Variants in ACAN observed in about 807,000 individuals in gnomAD.
The protein encoded by ACAN is aggrecan core protein.
In ACAN, 47 loss-of-function variants were observed where a neutral mutation model predicts 169.1. The ratio of observed to expected loss-of-function variants is 0.28; its 90% confidence interval spans 0.22 to 0.35. ACAN has a LOEUF of 0.35. Among genes scored for constraint, ACAN ranks in the 10% least tolerant of loss-of-function variants. The pLI, the probability that ACAN is intolerant of heterozygous loss-of-function variation, is 1.00. For missense variants in ACAN, 2,716 were observed against 2,759.9 expected (o/e 0.98, Z 0.36); for synonymous variants, 1,115 against 1,112.2 (o/e 1.00, Z -0.05).
rs919696595 is a variant in ACAN at position 88,845,419 on chromosome 15, G to C, written c.1052-86G>C. 8.0e-6 allele frequency: 12 copies of C among 1,505,362 alleles called. No homozygotes were observed. In the African/African-American group the frequency reaches 1.5e-4, roughly 19 times the overall value. The allele number at this position is 1,505,362 out of a possible 1,614,324, so 93.3% of individuals were successfully genotyped here. On this transcript the variant is annotated intron_variant, in intron 6 of 18. Coordinates refer to ENST00000560601, the MANE Select transcript of ACAN (RefSeq NM_001369268.1). ...CTGCCCCAGCAGGGAAGGAGGGGGA[G>C]CCATGCTCATCTCCAGCCCACTCCT...
At chr15:88,854,698 A>G (rs186951347) in intron 11 of ACAN, among the ~76,000 whole-genome samples, 154 bp from the exon 12 acceptor site, 1 of 152,216 alleles carries the variant, frequency 6.6e-6, no homozygotes, top group East Asian at 1.9e-4. Flanking sequence ...AAGACACTTT[A>G]CACAGTTCCA....
rs145500655 is a variant in ACAN, at chr15:88,832,295, A to G, written c.-7-3905A>G. 2.0e-3 allele frequency among the ~76,000 whole-genome samples: 303 copies of G among 147,852 alleles called. 1 individual carries two copies. The highest frequency in any genetic ancestry group is 3.5e-3 in the Non-Finnish European group (238 of 67,914). ...ATTGCAATTACAGAAAAACACAAGTAGATACCTTAAAAAAAAAAAAAAAGA... is the reference window on the plus strand; with the variant it reads ...ATTGCAATTACAGAAAAACACAAGTGGATACCTTAAAAAAAAAAAAAAAGA... On this transcript the variant is annotated intron_variant, in intron 1 of 18. Transcript: ENST00000560601.
Position 88,857,807 on chromosome 15 carries a change from G to C in ACAN, c.5222G>C (p.Gly1741Ala). Reference sequence around the variant, plus strand: ...TTTGGTGTCAGTGGACAGCCATCAGGGTTTCCTGACACTAGTGGGGAAACA... The same window carrying C: ...TTTGGTGTCAGTGGACAGCCATCAGCGTTTCCTGACACTAGTGGGGAAACA... ...GLFGVSGQPSGFPDTSGETSG... is the reference protein window; with the variant it reads ...GLFGVSGQPSAFPDTSGETSG... The change falls in exon 12 of 19, where the codon GGG becomes GCG. Residue 1741 changes from glycine (G) to alanine (A), a missense_variant. Gly to Ala is a moderately conservative substitution (Grantham distance 60). Around this residue, in one of 3 missense-constraint regions of ACAN, gnomAD observed 1,389 missense variants for 1,363.7 expected, o/e 1.02. Transcript: ENST00000560601. 1 of 1,613,926 alleles carries C rather than the reference G, an allele frequency of 6.2e-7. No individual in the cohort carries two copies.
intron 11 of ACAN, 72 bp downstream of exon 11, chr15:88,852,105 G>A (rs1896945957): frequency 6.6e-7 from 1 of 1,514,026 alleles, no homozygotes; most frequent in African/African-American, 1.4e-5. Flanking sequence ...GTGCCTGGTG[G>A]GGCGGGGGGG....
chr15:88,847,039 G>A (rs1398228743), intron 7 of ACAN, among the ~76,000 whole-genome samples: 1 of 152,218 alleles, frequency 6.6e-6, no homozygotes, highest in African/African-American at 2.4e-5. Flanking sequence ...TGGCCTTGGT[G>A]GGGTTCCCAC....
At chr15:88,830,537 G>A (rs1276525924) in intron 1 of ACAN, among the ~76,000 whole-genome samples, 1 of 151,674 alleles carries the variant, frequency 6.6e-6, no homozygotes, top group African/African-American at 2.4e-5. Flanking sequence ...TATTTTTACT[G>A]TACCTTTTGT....
intron 1 of ACAN, among the ~76,000 whole-genome samples, chr15:88,828,652 GC>G (rs34940784): frequency 6.6e-6 from 1 of 152,168 alleles, no homozygotes; most frequent in African/African-American, 2.4e-5. Flanking sequence ...CAGGTCCCTG[GC>G]CATGAGGGAG....
At chr15:88,852,165 T>A (rs909038077) in intron 11 of ACAN, 132 bp downstream of exon 11, 1 of 1,332,632 alleles carries the variant, frequency 7.5e-7, no homozygotes, top group Non-Finnish European at 1.0e-6. Flanking sequence ...ACTGGCTGGG[T>A]GTTCTGCTAT....
chr15:88,848,132 C>T (rs1596139022), intron 9 of ACAN, 94 bp downstream of exon 9: 2 of 1,509,120 alleles, frequency 1.3e-6, no homozygotes, highest in Non-Finnish European at 1.8e-6. Context: ...GGGTTACCAC[C>T]CACCCACCCC....
intron 1 of ACAN, among the ~76,000 whole-genome samples, chr15:88,823,926 T>C (rs1429223689): frequency 1.3e-5 from 2 of 152,012 alleles, no homozygotes; most frequent in African/African-American, 4.8e-5. Flanking sequence ...CCCTGACAGC[T>C]CTACTCAGAG....
chr15:88,859,880 A>G (rs117619358), intron 12 of ACAN, among the ~76,000 whole-genome samples: 184 of 152,170 alleles, frequency 1.2e-3, no homozygotes, highest in Non-Finnish European at 1.9e-3. Context: ...TTATGTCTGA[A>G]TATTTATTTT....
intron 4 of ACAN, 93 bp downstream of exon 4, chr15:88,840,279 C>T: frequency 1.4e-6 from 2 of 1,416,006 alleles, no homozygotes; most frequent in Non-Finnish European, 1.9e-6. Flanking sequence ...CAGCACTGAG[C>T]TGGTGCCAGC....
At chr15:88,832,303 TAA>T (rs149428400) in intron 1 of ACAN, among the ~76,000 whole-genome samples, 12 of 137,574 alleles carry the variant, frequency 8.7e-5, no homozygotes, top group African/African-American at 1.3e-4. Flanking sequence ...GTAGATACCT[TAA>T]AAAAAAAAAA....
intron 1 of ACAN, among the ~76,000 whole-genome samples, chr15:88,819,713 C>T (rs933373214): frequency 6.6e-6 from 1 of 151,972 alleles, no homozygotes; most frequent in African/African-American, 2.4e-5. Flanking sequence ...CTGCAGTGAG[C>T]TATGATCTCA....
intron 6 of ACAN, among the ~76,000 whole-genome samples, chr15:88,844,029 T>C (rs969997523): frequency 6.6e-6 from 1 of 152,192 alleles, no homozygotes; most frequent in Non-Finnish European, 1.5e-5. Flanking sequence ...GCAAAGACGT[T>C]GGGGGTCTGA....
At position 88,874,060 on chromosome 15, in the gene ACAN, G is replaced by A; in HGVS notation, c.7630+36G>A. 1.9e-6 allele frequency: 3 copies of A among 1,602,014 alleles called. No individual in the cohort carries two copies. The highest frequency in any genetic ancestry group is 2.2e-5 in the South Asian group (2 of 90,788). On this transcript the variant is annotated intron_variant, in intron 18 of 18. Coordinates refer to ENST00000560601, the MANE Select transcript of ACAN (RefSeq NM_001369268.1). This position sits in a 1 kb window ranked among gnomAD's most constrained non-coding sequence, Gnocchi z 7.3. ...CCCCGGCCATCTCGCTGAGCACAGG[G>A]TTAGATTCTGCCAGCACAGCCTTCC...
At chr15:88,850,628 T>C (rs899321748) in intron 10 of ACAN, 4 of 152,164 alleles carry the variant, frequency 2.6e-5, no homozygotes, top group African/African-American at 9.7e-5. Context: ...TTCCCAGACA[T>C]CCAGGGTCAC....
rs1489085137 is a variant in ACAN at position 88,870,951 on chromosome 15, C to T, written c.7061-431C>T. On this transcript the variant is annotated intron_variant, in intron 14 of 18. Coordinates refer to ENST00000560601, the MANE Select transcript of ACAN (RefSeq NM_001369268.1). This position sits in a 1 kb window ranked among gnomAD's most constrained non-coding sequence, Gnocchi z 6.3. ...CATGCCCCAGCGCTACCAGCTTCCA[C>T]TGCCTCCACACACTTCCCCACAGCT... Among the ~76,000 whole-genome samples the T allele has an allele frequency of 1.3e-5, 2 of 152,234 alleles. No individual in the cohort carries two copies. The highest frequency in any genetic ancestry group is 2.9e-5 in the Non-Finnish European group (2 of 68,040).
At chr15:88,833,418 C>T (rs1896414964) in intron 1 of ACAN, among the ~76,000 whole-genome samples, 2 of 152,164 alleles carry the variant, frequency 1.3e-5, no homozygotes, top group Admixed American at 1.3e-4. Context: ...TCCCCTTCCT[C>T]TGCCTCACCT....
Sources: allele counts gnomAD v4.1 joint callset (sites outside exome capture counted in the v4.1 genomes callset), GRCh38; gene constraint gnomAD v4.1.1; regional missense constraint gnomAD v4.1.1; non-coding constraint Gnocchi (gnomAD v3.1); transcripts MANE v1.5; gene names NCBI Gene and HGNC (gene_info 2026-07-23, HGNC 2026-07-21).